PACRG: variants seen among roughly 807,000 people sequenced by gnomAD.
PACRG encodes parkin coregulated.
In PACRG, 29 loss-of-function variants were observed where a neutral mutation model predicts 29.7. The ratio of observed to expected loss-of-function variants is 0.98; its 90% CI spans 0.73 to 1.33. The LOEUF (loss-of-function observed/expected upper bound fraction) is 1.33, where lower values mean the gene tolerates loss of function less well. Ranked by LOEUF, PACRG falls within the 40% of genes most tolerant of loss-of-function variation. PACRG has a pLI of 0.00. For synonymous variants in PACRG, 116 were observed against 118.7 expected (o/e 0.98, Z 0.15); for missense variants, 279 against 316.2 (o/e 0.88, Z 0.89).
intron 1 of PACRG, among the ~76,000 whole-genome samples, chr6:162,812,900 A>G (rs1787001523): frequency 6.6e-6 from 1 of 152,052 alleles, no homozygotes; most frequent in Admixed American, 6.6e-5. Context: ...TGCTGCCTCA[A>G]TTACTCATAT....
intron 1 of PACRG, among the ~76,000 whole-genome samples, chr6:162,784,336 C>T (rs903841665): frequency 6.6e-6 from 1 of 152,172 alleles, no homozygotes; most frequent in African/African-American, 2.4e-5. Flanking sequence ...ACCCCCAGCC[C>T]ATGGTCATCT....
At chr6:162,846,888 A>T (rs1198636021) in intron 2 of PACRG, among the ~76,000 whole-genome samples, 1 of 132,680 alleles carries the variant, frequency 7.5e-6, no homozygotes, top group African/African-American at 2.9e-5. Context: ...CTCCACACTG[A>T]CCACTGTGCT....
chr6:162,769,695 T>C (rs1488458931), intron 1 of PACRG, among the ~76,000 whole-genome samples: 2 of 151,654 alleles, frequency 1.3e-5, no homozygotes, highest in Non-Finnish European at 2.9e-5. Context: ...TCTGAATGTC[T>C]AAATTTCACT....
At chr6:162,857,463 A>T (rs1791498205) in intron 2 of PACRG, among the ~76,000 whole-genome samples, 1 of 152,194 alleles carries the variant, frequency 6.6e-6, no homozygotes, top group African/African-American at 2.4e-5. Flanking sequence ...CTCCTATTTT[A>T]TTGCTCCTTA....
At chr6:162,754,199 C>A (rs552516867) in intron 1 of PACRG, among the ~76,000 whole-genome samples, 28 of 152,174 alleles carry the variant, frequency 1.8e-4, no homozygotes, top group Admixed American at 5.2e-4. Flanking sequence ...AAGGTGATAT[C>A]TTTTTGTTTT....
chr6:163,098,319 A>G (rs1177441487), intron 4 of PACRG, among the ~76,000 whole-genome samples: 1 of 152,096 alleles, frequency 6.6e-6, no homozygotes, highest in East Asian at 1.9e-4. Flanking sequence ...AGCCTACGAG[A>G]CACCCTACTG....
In PACRG at chr6:163,100,910, T is replaced by G. The variant is rs574736511; in HGVS notation, c.613+11502T>G. On this transcript the variant is annotated intron_variant, in intron 4 of 4. Coordinates refer to ENST00000366888, the MANE Select transcript of PACRG (RefSeq NM_001080379.2). ...CTGTATTATATTCTCATGTACATCT[T>G]GAATTAATGTTCCAAGTAATAAAGA... 62 of 984,952 alleles carry G rather than the reference T, an allele frequency of 6.3e-5. No individual in the cohort carries two copies. The South Asian group carries it at 2.6e-3, about 41-fold the overall frequency. 61.0% of individuals were successfully genotyped at this position (984,952 alleles called of 1,614,324 possible). A position where few individuals can be genotyped will look rare whatever the true frequency, so the allele number is the denominator to read the frequency against.
At position 162,919,116 on chromosome 6, in the gene PACRG, G is replaced by C. The variant is rs542715376; in HGVS notation, c.291+104835G>C. 2.0e-5 allele frequency among the ~76,000 whole-genome samples: 3 copies of C among 152,288 alleles called. No individual in the cohort carries two copies. In the South Asian group the frequency reaches 6.2e-4, roughly 32 times the overall value. Reference sequence around the variant, plus strand: ...CCAAAAGAAATACCATTTGGGATGAGCTTTCTAGAATATAAAGTTGTAACA... The same window carrying C: ...CCAAAAGAAATACCATTTGGGATGACCTTTCTAGAATATAAAGTTGTAACA... On this transcript the variant is annotated intron_variant, in intron 2 of 4. Coordinates refer to ENST00000366888, the MANE Select transcript of PACRG (RefSeq NM_001080379.2).
intron 4 of PACRG, among the ~76,000 whole-genome samples, chr6:163,209,319 G>A (rs188072345): frequency 7.2e-5 from 11 of 152,306 alleles, no homozygotes; most frequent in African/African-American, 2.2e-4. Flanking sequence ...GTGGCAGTCC[G>A]CCTCAGCATG....
At chr6:162,727,888 C>A, upstream of PACRG, 2 of 597,042 alleles carry the variant, frequency 3.3e-6, no homozygotes, top group Non-Finnish European at 5.9e-6. Context: ...TGCCCCCAGC[C>A]CCCCACCGCC....
chr6:163,217,846 A>T (rs1781423686), intron 4 of PACRG, among the ~76,000 whole-genome samples: 1 of 151,886 alleles, frequency 6.6e-6, no homozygotes, highest in Non-Finnish European at 1.5e-5. Flanking sequence ...GGGACCATCT[A>T]GTTGCAGGAA....
At chr6:162,794,965 A>C (rs1204786416) in intron 1 of PACRG, among the ~76,000 whole-genome samples, 1 of 152,118 alleles carries the variant, frequency 6.6e-6, no homozygotes, top group Non-Finnish European at 1.5e-5. Flanking sequence ...TGTGGAAAAA[A>C]AGATCTGGAT....
At chr6:162,765,573 A>G (rs1308284875) in intron 1 of PACRG, among the ~76,000 whole-genome samples, 2 of 152,138 alleles carry the variant, frequency 1.3e-5, no homozygotes, top group African/African-American at 2.4e-5. Context: ...TCTTGTTTGT[A>G]CCATTATCGT....
chr6:163,004,701 AGTGTGTGTGT>A (rs374627693), intron 2 of PACRG, among the ~76,000 whole-genome samples: 3 of 131,506 alleles, frequency 2.3e-5, no homozygotes, highest in Admixed American at 7.3e-5. Flanking sequence ...ACAAAGTTCT[AGTGTGTGTGT>A]GTGTGTGTGT....
intron 4 of PACRG, among the ~76,000 whole-genome samples, chr6:163,221,647 A>G (rs1009404335): frequency 5.3e-5 from 8 of 152,254 alleles, no homozygotes; most frequent in Non-Finnish European, 8.8e-5. Flanking sequence ...GCAAGAAAAC[A>G]TAGGTAAATG....
intron 1 of PACRG, among the ~76,000 whole-genome samples, chr6:162,808,851 T>A (rs1282531816): frequency 1.3e-5 from 2 of 152,164 alleles, no homozygotes; most frequent in Non-Finnish European, 2.9e-5. Context: ...TCTTAAAACA[T>A]GAAATAAAAT....
intron 2 of PACRG, among the ~76,000 whole-genome samples, chr6:162,996,318 G>A (rs553449478): frequency 5.1e-4 from 78 of 152,114 alleles, no homozygotes; most frequent in African/African-American, 1.6e-3. Context: ...TATTTAAAAA[G>A]GGGTCATTAC....
chr6:163,245,957 A>G (rs949600220), intron 4 of PACRG, among the ~76,000 whole-genome samples: 2 of 151,870 alleles, frequency 1.3e-5, no homozygotes, highest in Non-Finnish European at 2.9e-5. Flanking sequence ...GCTCTACTCC[A>G]TGGTCTTCAT....
intron 3 of PACRG, among the ~76,000 whole-genome samples, chr6:163,069,624 A>T (rs1036041647): frequency 9.9e-5 from 12 of 121,486 alleles, no homozygotes; most frequent in African/African-American, 4.6e-4. Context: ...GACAAAAGAA[A>T]AAAGAATATA....
Sources: gnomAD v4.1 joint callset for allele counts (sites outside exome capture counted in the v4.1 genomes callset) on GRCh38, gnomAD v4.1.1 for gene constraint, MANE v1.5 for transcripts, NCBI Gene and HGNC (gene_info 2026-07-23, HGNC 2026-07-21) for gene names.